EPHA5: variants seen among roughly 807,000 people sequenced by gnomAD.
EPHA5 encodes the protein ephrin type-A receptor 5.
In EPHA5, 60 loss-of-function variants were observed where a neutral mutation model predicts 105.0. The ratio of observed to expected loss-of-function variants is 0.57; its 90% confidence interval spans 0.46 to 0.71. The LOEUF is 0.71. Among genes scored for constraint, EPHA5 ranks in the 30% least tolerant of loss-of-function variants. EPHA5 has a pLI of 0.00. For missense variants in EPHA5, 1,218 were observed against 1,274.7 expected (o/e 0.96, Z 0.68); for synonymous variants, 513 against 449.1 (o/e 1.14, Z -1.80).
intron 8 of EPHA5, among the ~76,000 whole-genome samples, chr4:65,383,378 T>G (rs1322992279): frequency 6.6e-6 from 1 of 151,736 alleles, no homozygotes; most frequent in East Asian, 1.9e-4. Context: ...AATAACAGGT[T>G]AGAAAGAGTT....
At chr4:65,668,661 G>A (rs2149567244) in intron 1 of EPHA5, among the ~76,000 whole-genome samples, 1 of 152,178 alleles carries the variant, frequency 6.6e-6, no homozygotes, top group Non-Finnish European at 1.5e-5. Flanking sequence ...CACAGGTGTT[G>A]CTCCCGCGCC....
chr4:65,572,708 T>C (rs1578456670), intron 3 of EPHA5, among the ~76,000 whole-genome samples: 1 of 152,316 alleles, frequency 6.6e-6, no homozygotes, highest in South Asian at 2.1e-4. Context: ...AGAGAGCATG[T>C]CCTTTACTCA....
At chr4:65,612,729 G>GT (rs1191525571) in intron 2 of EPHA5, among the ~76,000 whole-genome samples, 1 of 151,966 alleles carries the variant, frequency 6.6e-6, no homozygotes, top group African/African-American at 2.4e-5. Flanking sequence ...TATTTGTGTT[G>GT]TTTCGGGGTT....
chr4:65,330,693 A>G (rs576687142), intron 16 of EPHA5: 43 of 844,742 alleles, frequency 5.1e-5, no homozygotes, highest in South Asian at 3.9e-4. Context: ...GAAAAATTAA[A>G]TAGCAATCAT....
Position 65,353,111 on chromosome 4 carries a change from G to A in EPHA5, c.2174-8C>T. 3.2e-6 allele frequency: 5 copies of A among 1,542,062 alleles called. No individual in the cohort carries two copies. The highest frequency in any genetic ancestry group is 4.4e-6 in the Non-Finnish European group (5 of 1,145,516). Reference sequence around the variant, plus strand: ...CGATCATCACTGGTTTACCTGAAAAGAAAACAGAGTGATATAACCTGCTGC... The same window carrying A: ...CGATCATCACTGGTTTACCTGAAAAAAAAACAGAGTGATATAACCTGCTGC... On this transcript the variant is annotated splice_polypyrimidine_tract_variant and splice_region_variant and intron_variant, in intron 11 of 16. Transcript: ENST00000613740.
intron 5 of EPHA5, among the ~76,000 whole-genome samples, chr4:65,479,748 T>G (rs1380849238): frequency 6.6e-6 from 1 of 152,068 alleles, no homozygotes; most frequent in African/African-American, 2.4e-5. Context: ...TAAATGGCCA[T>G]AAGCAACATG....
chr4:65,467,578 A>C (rs1038500273), intron 5 of EPHA5, among the ~76,000 whole-genome samples: 1 of 152,196 alleles, frequency 6.6e-6, no homozygotes, highest in African/African-American at 2.4e-5. Flanking sequence ...CAGTTATCTC[A>C]ACGAAAGCCA....
intron 8 of EPHA5, among the ~76,000 whole-genome samples, chr4:65,393,511 A>G (rs1720921189): frequency 6.6e-6 from 1 of 152,198 alleles, no homozygotes; most frequent in South Asian, 2.1e-4. Context: ...TTCTTAGCTG[A>G]CTGTGGCTGG....
chr4:65,492,687 A>C (rs530420612), intron 4 of EPHA5, among the ~76,000 whole-genome samples: 15 of 152,150 alleles, frequency 9.9e-5, no homozygotes, highest in Non-Finnish European at 1.9e-4. Context: ...CAGTCTATCA[A>C]TGATGGGCAT....
intron 5 of EPHA5, among the ~76,000 whole-genome samples, chr4:65,448,709 TA>T (rs1189237491): frequency 6.6e-6 from 1 of 152,094 alleles, no homozygotes; most frequent in Non-Finnish European, 1.5e-5. Context: ...TTATTTTGAA[TA>T]AACAAAGCAC....
At chr4:65,529,326 C>T (rs1211399801) in intron 3 of EPHA5, among the ~76,000 whole-genome samples, 1 of 152,138 alleles carries the variant, frequency 6.6e-6, no homozygotes, top group Non-Finnish European at 1.5e-5. Flanking sequence ...AATGATTATG[C>T]TGATCTACTA....
rs1464564523 is a variant in EPHA5 at position 65,409,275 on chromosome 4, G to T, written c.1688-4796C>A. On this transcript the variant is annotated intron_variant, in intron 7 of 16. Transcript: ENST00000613740. ...TTAGTGGGTGCAGCGCACCAGCATG[G>T]CACATGTATACATATGTAACAAACC... Among the ~76,000 whole-genome samples, 4 of 128,776 alleles carry T rather than the reference G, an allele frequency of 3.1e-5. No individual in the cohort carries two copies. The Admixed American group carries it at 3.2e-4, about 10-fold the overall frequency. The allele number at this position is 128,776 out of a possible 152,430, so 84.5% of individuals were successfully genotyped here.
chr4:65,599,624 T>C (rs1743518128), intron 3 of EPHA5, among the ~76,000 whole-genome samples: 1 of 152,144 alleles, frequency 6.6e-6, no homozygotes, highest in South Asian at 2.1e-4. Flanking sequence ...TGGGCTGTAG[T>C]AAACTTTTTG....
intron 5 of EPHA5, among the ~76,000 whole-genome samples, chr4:65,446,442 A>G (rs1414777688): frequency 2.6e-5 from 4 of 152,194 alleles, no homozygotes; most frequent in African/African-American, 9.6e-5. Flanking sequence ...AAACTGTGAA[A>G]GCCACAAGCA....
chr4:65,459,075 T>C (rs1406425473), intron 5 of EPHA5, among the ~76,000 whole-genome samples: 2 of 152,106 alleles, frequency 1.3e-5, no homozygotes, highest in African/African-American at 2.4e-5. Flanking sequence ...AAGAAATGCA[T>C]AAGCAGAAAT....
chr4:65,333,445 A>G (rs1012640079), intron 15 of EPHA5, among the ~76,000 whole-genome samples: 3 of 151,412 alleles, frequency 2.0e-5, no homozygotes, highest in African/African-American at 4.9e-5. Flanking sequence ...TTCAGCCAAC[A>G]CCACTACCAC....
chr4:65,562,726 C>G (rs1739144368), intron 3 of EPHA5, among the ~76,000 whole-genome samples: 2 of 152,014 alleles, frequency 1.3e-5, no homozygotes, highest in African/African-American at 2.4e-5. Context: ...AGCTTCTTCT[C>G]ACTTTTTTGA....
chr4:65,387,682 A>G (rs145370554), intron 8 of EPHA5, among the ~76,000 whole-genome samples: 24 of 152,126 alleles, frequency 1.6e-4, no homozygotes, highest in African/African-American at 5.1e-4. Flanking sequence ...CTGAGTCAGG[A>G]AAAGTTAGAT....
intron 1 of EPHA5, among the ~76,000 whole-genome samples, 162 bp from the exon 2 acceptor site, chr4:65,643,589 G>T (rs938914196): frequency 6.6e-6 from 1 of 151,738 alleles, no homozygotes; most frequent in South Asian, 2.1e-4. Context: ...ATATATTGAT[G>T]CAGGAGAACA....
Sources: allele counts gnomAD v4.1 joint callset (sites outside exome capture counted in the v4.1 genomes callset), GRCh38; gene constraint gnomAD v4.1.1; transcripts MANE v1.5; gene names NCBI Gene and HGNC (gene_info 2026-07-23, HGNC 2026-07-21).